The following ADD2 variants were observed in gnomAD, a reference collection of about 807,000 sequenced individuals.
ADD2 encodes adducin 2, also known as beta-adducin.
A neutral mutation model predicts 83.0 loss-of-function variants in ADD2; 23 were observed. That is an observed-to-expected ratio of 0.28 (90% CI 0.20 to 0.39). ADD2 has a LOEUF of 0.39. Among genes scored for constraint, ADD2 ranks in the 10% least tolerant of loss-of-function variants. The probability of loss-of-function intolerance (pLI) is 1.00; values close to 1 mark genes in which losing one functional copy is unlikely to be tolerated. For synonymous variants in ADD2, 375 were observed against 375.4 expected (o/e 1.00, Z 0.01); for missense variants, 758 against 944.9 (o/e 0.80, Z 2.59).
At position 70,676,238 on chromosome 2, in the gene ADD2, T is replaced by A. The variant is rs1216081584; in HGVS notation, c.1593+558A>T. The A allele has an allele frequency of 1.0e-6, 1 of 987,634 alleles. No homozygotes were observed. Among genetic ancestry groups the A allele is most frequent in the Non-Finnish European group, 1.2e-6 (1 of 831,578 alleles). The allele number at this position is 987,634 out of a possible 1,614,324, so 61.2% of individuals were successfully genotyped here. ...AAGCACTAGACAAAACACTGTTCTA[T>A]CTCAAGCACAAAAACAATTACAATA... is the stretch of plus-strand genomic sequence containing the variant. On this transcript the variant is annotated intron_variant, in intron 13 of 15. Coordinates refer to ENST00000264436, the MANE Select transcript of ADD2 (RefSeq NM_001617.4). The surrounding 1 kb of genome is among the most constrained non-coding windows in gnomAD (Gnocchi z 4.8).
intron 1 of ADD2, among the ~76,000 whole-genome samples, chr2:70,727,023 G>A (rs190712072): frequency 6.6e-6 from 1 of 152,256 alleles, no homozygotes; most frequent in Non-Finnish European, 1.5e-5. Flanking sequence ...CAGCCAAATG[G>A]TCACAAAGCT....
At chr2:70,677,644 G>C (rs1455686074) in intron 12 of ADD2, 114 bp downstream of exon 12, 1 of 1,351,606 alleles carries the variant, frequency 7.4e-7, no homozygotes, top group African/African-American at 1.4e-5. Flanking sequence ...TCTCCTGTGA[G>C]GCATGTGAGA....
At chr2:70,720,690 T>G (rs1672691309) in intron 1 of ADD2, among the ~76,000 whole-genome samples, 1 of 152,240 alleles carries the variant, frequency 6.6e-6, no homozygotes, top group South Asian at 2.1e-4. Context: ...TATATTTCTG[T>G]GTATGTTTGC....
chr2:70,746,546 G>C lies in ADD2; in HGVS notation c.-154+21340C>G, dbSNP rs141958314. On this transcript the variant is annotated intron_variant, in intron 1 of 15. Transcript: ENST00000264436. ...AACAGTAGGAGAGGTGAGTAGACAT[G>C]TGCAAGTTCCCATTGCTAGTACTTG... 2.7e-3 allele frequency among the ~76,000 whole-genome samples: 415 copies of C among 152,270 alleles called. 2 individuals carry two copies. In the Middle Eastern group the frequency reaches 0.044, roughly 16 times the overall value.
rs565938664 is a variant in ADD2, at chr2:70,738,305, C to G, written c.-153-25121G>C. Among the ~76,000 whole-genome samples the G allele has an allele frequency of 1.4e-4, 21 of 152,206 alleles. 1 individual carries two copies. In the East Asian group the frequency reaches 4.1e-3, roughly 29 times the overall value. On this transcript the variant is annotated intron_variant, in intron 1 of 15. Coordinates refer to ENST00000264436, the MANE Select transcript of ADD2 (RefSeq NM_001617.4). The stretch of plus-strand genomic sequence containing the variant: ...ATTCACACACAAAATTAGATCATAA[C>G]ACATAAGAACTTCAAAAATGAAGAC...
In ADD2 at chr2:70,704,391, G is replaced by A. The variant is rs17006140; in HGVS notation, c.252C>T (p.Ile84=). Residue 84 remains isoleucine (I), a synonymous_variant, in exon 4 of 16, where the codon ATC becomes ATT. Coordinates refer to ENST00000264436, the MANE Select transcript of ADD2 (RefSeq NM_001617.4). ...AGTCCGCGATCTGTCGCAGGGCCCA[G>A]ATGTTGGAGGAGTTGTTCCCCTTCT... ...QMKKGNNSSN[I]WALRQIADFM... 19 of 1,613,872 alleles carry A rather than the reference G, an allele frequency of 1.2e-5. No homozygotes were observed. In the African/African-American group the frequency reaches 1.2e-4, roughly 10 times the overall value.
chr2:70,741,749 T>G (rs1673926387), intron 1 of ADD2, among the ~76,000 whole-genome samples: 1 of 152,172 alleles, frequency 6.6e-6, no homozygotes, highest in Non-Finnish European at 1.5e-5. Context: ...ACACACACAC[T>G]GAAACTCAAT....
chr2:70,706,476 T>C lies in ADD2; in HGVS notation c.-34-34A>G, dbSNP rs782412219. 6.5e-7 allele frequency: 1 copy of C among 1,531,082 alleles called. No individual in the cohort carries two copies. Among genetic ancestry groups the C allele is most frequent in the Non-Finnish European group, 8.8e-7 (1 of 1,139,078 alleles). The allele number at this position is 1,531,082 out of a possible 1,614,324, so 94.8% of individuals were successfully genotyped here. A position where few individuals can be genotyped will look rare whatever the true frequency, so the allele number is the denominator to read the frequency against. The stretch of plus-strand genomic sequence containing the variant: ...AAGGGGAGAGGGTATGCGGTCAGGT[T>C]GGTGCTCCCCATCGGGGTACACGTT... On this transcript the variant is annotated intron_variant, in intron 2 of 15. Transcript: ENST00000264436. This position sits in a 1 kb window ranked among gnomAD's most constrained non-coding sequence, Gnocchi z 5.0.
chr2:70,666,038 A>T (rs1474266799), intron 15 of ADD2, among the ~76,000 whole-genome samples: 3 of 151,542 alleles, frequency 2.0e-5, no homozygotes, highest in Non-Finnish European at 2.9e-5. Context: ...ATGGTCTCGA[A>T]CTCCTGACCT....
At chr2:70,767,538 G>A (rs897062108) in intron 1 of ADD2, 10 of 757,740 alleles carry the variant, frequency 1.3e-5, no homozygotes, top group African/African-American at 1.1e-4. Flanking sequence ...GGGGAGGAGC[G>A]GCCCCGCCCG....
chr2:70,725,875 C>T (rs184265600), intron 1 of ADD2, among the ~76,000 whole-genome samples: 7 of 152,106 alleles, frequency 4.6e-5, no homozygotes, highest in African/African-American at 1.4e-4. Flanking sequence ...TCTCAAAGGC[C>T]CCCAATGATG....
chr2:70,687,609 CA>C (rs1670805280), intron 9 of ADD2, among the ~76,000 whole-genome samples: 1 of 151,776 alleles, frequency 6.6e-6, no homozygotes, highest in African/African-American at 2.4e-5. Flanking sequence ...AACAAACAAA[CA>C]AACAAACAAA....
chr2:70,681,164 C>A (rs1356757926), intron 10 of ADD2, among the ~76,000 whole-genome samples: 1 of 152,130 alleles, frequency 6.6e-6, no homozygotes, highest in Non-Finnish European at 1.5e-5. Flanking sequence ...ATTATAGAAC[C>A]TAAAATTGGC....
intron 9 of ADD2, among the ~76,000 whole-genome samples, chr2:70,684,296 G>A (rs1670608756): frequency 6.6e-6 from 1 of 152,136 alleles, no homozygotes; most frequent in African/African-American, 2.4e-5. Flanking sequence ...TGCCCAGGCT[G>A]GAGGGCAGTG....
intron 15 of ADD2, among the ~76,000 whole-genome samples, chr2:70,664,669 C>T (rs782300231): frequency 2.0e-5 from 3 of 152,130 alleles, no homozygotes; most frequent in Non-Finnish European, 4.4e-5. Context: ...CTTCTTCTCA[C>T]GACGGGAACT....
In ADD2 at chr2:70,660,124, C is replaced by T. The variant is rs1251935753; in HGVS notation, c.*3301G>A. 6.6e-6 allele frequency: 1 copy of T among 152,234 alleles called. No individual in the cohort carries two copies. The highest frequency in any genetic ancestry group is 2.4e-5 in the African/African-American group (1 of 41,462). The allele number at this position is 152,234 out of a possible 1,614,324, so 9.4% of individuals were successfully genotyped here. A position where few individuals can be genotyped will look rare whatever the true frequency, so the allele number is the denominator to read the frequency against. Reference sequence around the variant, plus strand: ...CTGTAGATTTGTTTGGACCACATGTCTGTTTCTGTAGCATTTGGTGCATGT... The same window carrying T: ...CTGTAGATTTGTTTGGACCACATGTTTGTTTCTGTAGCATTTGGTGCATGT... On this transcript the variant is annotated 3_prime_UTR_variant, in exon 16 of 16. Coordinates refer to ENST00000264436, the MANE Select transcript of ADD2 (RefSeq NM_001617.4).
chr2:70,711,786 C>T (rs1161822496), intron 2 of ADD2, among the ~76,000 whole-genome samples: 1 of 152,142 alleles, frequency 6.6e-6, no homozygotes, highest in Non-Finnish European at 1.5e-5. Flanking sequence ...TTGCAAGTAC[C>T]ATACTTTCGG....
intron 1 of ADD2, among the ~76,000 whole-genome samples, chr2:70,758,043 C>T (rs782375904): frequency 8.5e-5 from 13 of 152,198 alleles, no homozygotes; most frequent in Non-Finnish European, 1.8e-4. Context: ...AGGAACAAAT[C>T]TCCATCACTT....
At chr2:70,766,843 G>A (rs566937243) in intron 1 of ADD2, among the ~76,000 whole-genome samples, 1 of 152,232 alleles carries the variant, frequency 6.6e-6, no homozygotes, top group South Asian at 2.1e-4. Context: ...CAAACAGCAA[G>A]AGGGAAGAGT....
Sources: allele counts gnomAD v4.1 joint callset (sites outside exome capture counted in the v4.1 genomes callset), GRCh38; gene constraint gnomAD v4.1.1; non-coding constraint Gnocchi (gnomAD v3.1); transcripts MANE v1.5; gene names NCBI Gene and HGNC (gene_info 2026-07-23, HGNC 2026-07-21).